The following RAB2B variants were observed in gnomAD, a reference collection of about 807,000 sequenced individuals.
The protein encoded by RAB2B is RAB2B, member RAS oncogene family.
A neutral mutation model predicts 29.8 loss-of-function variants in RAB2B; 20 were observed. The ratio of observed to expected loss-of-function variants is 0.67; its 90% CI spans 0.47 to 0.97. RAB2B has a LOEUF of 0.97. RAB2B is among the 50% of genes least tolerant of loss of function. RAB2B has a pLI of 0.00. For missense variants in RAB2B, 218 were observed against 272.0 expected, an observed-to-expected ratio of 0.80 and a Z score of 1.40; for synonymous variants, 93 against 91.7, an observed-to-expected ratio of 1.01 and a Z score of -0.08.
intron 2 of RAB2B, 96 bp downstream of exon 2, chr14:21,476,432 T>C: frequency 6.8e-7 from 1 of 1,465,500 alleles, no homozygotes; most frequent in Non-Finnish European, 9.5e-7. Context: ...GAGGGGTAAC[T>C]TTTTACTTCG....
At chr14:21,469,506 A>T (rs1043897546) in intron 3 of RAB2B, among the ~76,000 whole-genome samples, 7 of 152,250 alleles carry the variant, frequency 4.6e-5, no homozygotes, top group Non-Finnish European at 8.8e-5. Context: ...AAAGATATTA[A>T]GTTCTATTTA....
At chr14:21,476,424 G>A (rs1890967570) in intron 2 of RAB2B, 104 bp downstream of exon 2, 2 of 1,289,826 alleles carry the variant, frequency 1.6e-6, no homozygotes, top group African/African-American at 1.5e-5. Context: ...AAAGTAGTGA[G>A]GGGTAACTTT....
At chr14:21,466,115 A>AG (rs1446635411) in intron 5 of RAB2B, among the ~76,000 whole-genome samples, 3 of 152,250 alleles carry the variant, frequency 2.0e-5, no homozygotes, top group African/African-American at 4.8e-5. Flanking sequence ...GCACAAGAGC[A>AG]GGGGGACGAC....
chr14:21,461,453 T>G, intron 7 of RAB2B, 150 bp from the exon 8 acceptor site: 1 of 560,022 alleles, frequency 1.8e-6, no homozygotes, highest in East Asian at 3.3e-5. Context: ...AAAGCAGATT[T>G]GACCTTGGCA....
At chr14:21,465,347 T>A (rs1163077025) in intron 5 of RAB2B, among the ~76,000 whole-genome samples, 1 of 152,244 alleles carries the variant, frequency 6.6e-6, no homozygotes, top group Admixed American at 6.5e-5. Context: ...GAACTTCTTT[T>A]CCCCTAGCCT....
intron 6 of RAB2B, among the ~76,000 whole-genome samples, chr14:21,462,992 T>C (rs1171267990): frequency 6.6e-6 from 1 of 151,842 alleles, no homozygotes; most frequent in Non-Finnish European, 1.5e-5. Flanking sequence ...CTTCCACAAA[T>C]AAAACAAACA....
chr14:21,467,292 G>A (rs188120552), intron 5 of RAB2B, among the ~76,000 whole-genome samples: 4 of 151,978 alleles, frequency 2.6e-5, no homozygotes, highest in Non-Finnish European at 5.9e-5. Flanking sequence ...TTGCAGCCTC[G>A]ACCTCACAGG....
chr14:21,461,059 C>T lies in RAB2B; in HGVS notation c.*137G>A, dbSNP rs574927905. On this transcript the variant is annotated 3_prime_UTR_variant, in exon 8 of 8. Transcript: ENST00000397762. ...GGTCAGTAAGGGCCCAAATTCTCTC[C>T]TGGTCTTTAGGTGGAAAGGCAAAAC... is the stretch of plus-strand genomic sequence containing the variant. 7 of 640,380 alleles carry T rather than the reference C, an allele frequency of 1.1e-5. No homozygotes were observed. In the East Asian group the frequency reaches 1.4e-4, roughly 13 times the overall value. 39.7% of individuals were successfully genotyped at this position (640,380 alleles called of 1,614,324 possible). A position where few individuals can be genotyped will look rare whatever the true frequency, so the allele number is the denominator to read the frequency against.
intron 3 of RAB2B, among the ~76,000 whole-genome samples, chr14:21,469,577 A>T (rs1185196078): frequency 6.6e-6 from 1 of 152,230 alleles, no homozygotes; most frequent in African/African-American, 2.4e-5. Context: ...TTGATGGACT[A>T]GTTCTTTTTT....
intron 7 of RAB2B, 123 bp downstream of exon 7, chr14:21,462,227 A>T: frequency 6.1e-6 from 4 of 660,576 alleles, no homozygotes; most frequent in Non-Finnish European, 7.0e-6. Context: ...AAAAGTGTTG[A>T]ATTGGCAGAG....
chr14:21,474,679 T>C, intron 3 of RAB2B, 188 bp downstream of exon 3: 1 of 564,192 alleles, frequency 1.8e-6, no homozygotes, highest in Non-Finnish European at 3.2e-6. Context: ...CTTGGATCGT[T>C]TACAACACAA....
chr14:21,466,123 G>A (rs902956826), intron 5 of RAB2B, among the ~76,000 whole-genome samples: 3 of 152,186 alleles, frequency 2.0e-5, no homozygotes, highest in Non-Finnish European at 2.9e-5. Flanking sequence ...GCAGGGGGAC[G>A]ACTTTTTTCC....
In RAB2B at chr14:21,476,933, C is replaced by G; in HGVS notation, c.-61G>C. The G allele has an allele frequency of 6.4e-7, 1 of 1,554,422 alleles. No individual in the cohort carries two copies. The highest frequency in any genetic ancestry group is 1.1e-5 in the South Asian group (1 of 89,914). ...TTCTATAGCCACTTACCTCCGACCT[C>G]TCTAGCCACTCAATCTACCGATCTT... is the stretch of plus-strand genomic sequence containing the variant. On this transcript the variant is annotated 5_prime_UTR_variant, in exon 1 of 8. Coordinates refer to ENST00000397762, the MANE Select transcript of RAB2B (RefSeq NM_032846.4).
intron 6 of RAB2B, among the ~76,000 whole-genome samples, chr14:21,462,696 C>T (rs1454602015): frequency 2.0e-5 from 3 of 151,720 alleles, no homozygotes; most frequent in African/African-American, 4.8e-5. Context: ...AAAAATCAGC[C>T]GGGCGTGGTG....
intron 2 of RAB2B, among the ~76,000 whole-genome samples, chr14:21,475,670 T>C (rs1468264616): frequency 6.6e-6 from 1 of 152,154 alleles, no homozygotes; most frequent in African/African-American, 2.4e-5. Flanking sequence ...TTGTTAAGCA[T>C]TGTATCATTA....
chr14:21,462,540 T>TA (rs1285684501), intron 6 of RAB2B, 122 bp from the exon 7 acceptor site: 2 of 967,156 alleles, frequency 2.1e-6, no homozygotes, highest in South Asian at 3.7e-5. Flanking sequence ...TAGAAGACAG[T>TA]AAAAAACATA....
chr14:21,471,140 T>C (rs1184781042), intron 3 of RAB2B, among the ~76,000 whole-genome samples: 1 of 150,604 alleles, frequency 6.6e-6, no homozygotes, highest in Non-Finnish European at 1.5e-5. Flanking sequence ...GCTATTGCAC[T>C]CCAGCCTGGG....
chr14:21,462,492 T>C (rs1370526534), intron 6 of RAB2B, 74 bp from the exon 7 acceptor site: 1 of 1,324,322 alleles, frequency 7.6e-7, no homozygotes, highest in East Asian at 2.4e-5. Flanking sequence ...TATTAATTAT[T>C]ATTCATATTT....
At chr14:21,465,588 T>C (rs1368972616) in intron 5 of RAB2B, among the ~76,000 whole-genome samples, 1 of 152,206 alleles carries the variant, frequency 6.6e-6, no homozygotes, top group African/African-American at 2.4e-5. Flanking sequence ...CTTCAGTCCT[T>C]GTTCTCCTCC....
Sources: gnomAD v4.1 joint callset for allele counts (sites outside exome capture counted in the v4.1 genomes callset) on GRCh38, gnomAD v4.1.1 for gene constraint, MANE v1.5 for transcripts, NCBI Gene and HGNC (gene_info 2026-07-23, HGNC 2026-07-21) for gene names.